MAD1L1: variants seen among roughly 807,000 people sequenced by gnomAD.
The protein encoded by MAD1L1 is mitotic arrest deficient 1 like 1, also known as mitotic spindle assembly checkpoint protein MAD1.
A neutral mutation model predicts 96.9 loss-of-function variants in MAD1L1; 95 were observed. That is an observed-to-expected ratio of 0.98 (90% CI 0.83 to 1.16). MAD1L1 has a LOEUF of 1.16. Among genes scored for constraint, MAD1L1 ranks in the 50% most tolerant of loss-of-function variants. The pLI, the probability that MAD1L1 is intolerant of heterozygous loss-of-function variation, is 0.00. For missense variants in MAD1L1, 1,007 were observed against 954.4 expected (o/e 1.06, Z -0.73); for synonymous variants, 473 against 396.6 (o/e 1.19, Z -2.29).
chr7:2,023,161 A>G (rs141857160), intron 12 of MAD1L1, among the ~76,000 whole-genome samples: 46 of 152,354 alleles, frequency 3.0e-4, no homozygotes, highest in Middle Eastern at 3.4e-3. Flanking sequence ...GACACAGCAG[A>G]ATTCAATAGC....
At chr7:2,221,428 C>G (rs1793601287) in intron 5 of MAD1L1, among the ~76,000 whole-genome samples, 2 of 152,288 alleles carry the variant, frequency 1.3e-5, no homozygotes, top group South Asian at 4.1e-4. Flanking sequence ...CACGCCTCCC[C>G]AGCACGGCCA....
chr7:2,039,722 C>T (rs1446323863), intron 12 of MAD1L1, among the ~76,000 whole-genome samples: 1 of 152,058 alleles, frequency 6.6e-6, no homozygotes, highest in African/African-American at 2.4e-5. Context: ...TTTTCTATTA[C>T]TGAGTTTTGA....
intron 11 of MAD1L1, among the ~76,000 whole-genome samples, chr7:2,108,211 GGCCCCACC>G (rs1787194931): frequency 6.6e-6 from 1 of 152,188 alleles, no homozygotes; most frequent in South Asian, 2.1e-4. Flanking sequence ...TCACTATTCA[GGCCCCACC>G]TCATTATCAT....
intron 10 of MAD1L1, 23 bp downstream of exon 10, chr7:2,213,189 C>T (rs759387481): frequency 8.7e-6 from 14 of 1,613,844 alleles, no homozygotes; most frequent in Admixed American, 5.0e-5. Context: ...GGCGGGACCC[C>T]GGAGACACCT....
At chr7:2,077,898 G>A (rs375039421) in intron 11 of MAD1L1, among the ~76,000 whole-genome samples, 2 of 152,222 alleles carry the variant, frequency 1.3e-5, no homozygotes, top group Admixed American at 6.5e-5. Context: ...GCCCGTCGGG[G>A]AGCCTCGCAG....
intron 18 of MAD1L1, among the ~76,000 whole-genome samples, chr7:1,832,031 A>G (rs1328438644): frequency 2.6e-5 from 4 of 152,198 alleles, no homozygotes; most frequent in African/African-American, 9.7e-5. Flanking sequence ...ATTATTTAAG[A>G]AATACATTTT....
chr7:1,968,107 G>A lies in MAD1L1; in HGVS notation c.1506-10388C>T, dbSNP rs747332430. Among the ~76,000 whole-genome samples the A allele has an allele frequency of 3.3e-5, 5 of 152,254 alleles. No homozygotes were observed. The East Asian group carries it at 7.7e-4, about 23-fold the overall frequency. On this transcript the variant is annotated intron_variant, in intron 15 of 18. Coordinates refer to ENST00000265854, the MANE Select transcript of MAD1L1 (RefSeq NM_001013836.2). The surrounding 1 kb of genome is among the most constrained non-coding windows in gnomAD (Gnocchi z 5.6). ...GAACTCATCCCTCCAGAGGGGGAGC[G>A]TCGCCTGTGCCCTGAGGGATTCGCT... is the stretch of plus-strand genomic sequence containing the variant.
chr7:1,961,788 T>A (rs1243529711), intron 15 of MAD1L1, among the ~76,000 whole-genome samples: 2 of 151,834 alleles, frequency 1.3e-5, no homozygotes, highest in Non-Finnish European at 2.9e-5. Flanking sequence ...GTTTCCCCCA[T>A]ACCATTCTCG....
intron 3 of MAD1L1, among the ~76,000 whole-genome samples, chr7:2,226,274 A>G (rs1793890700): frequency 6.6e-6 from 1 of 152,300 alleles, no homozygotes; most frequent in South Asian, 2.1e-4. Context: ...TCAGTATTGG[A>G]CTGAAACCTG....
Position 1,988,547 on chromosome 7 carries a change from G to A in MAD1L1, c.1417-8006C>T, listed in dbSNP as rs182083048. Among the ~76,000 whole-genome samples, 259 of 152,258 alleles carry A rather than the reference G, an allele frequency of 1.7e-3. 1 individual carries two copies. The highest frequency in any genetic ancestry group is 4.9e-3 in the Admixed American group (75 of 15,308). On this transcript the variant is annotated intron_variant, in intron 14 of 18. Coordinates refer to ENST00000265854, the MANE Select transcript of MAD1L1 (RefSeq NM_001013836.2). Reference sequence around the variant, plus strand: ...CAGAGCACTCAGTACCTAAAACTTCGTTTTCTGTGTTTACTCCCTCATGCC... The same window carrying A: ...CAGAGCACTCAGTACCTAAAACTTCATTTTCTGTGTTTACTCCCTCATGCC...
At chr7:1,913,397 G>A (rs1788144337) in intron 17 of MAD1L1, among the ~76,000 whole-genome samples, 1 of 152,192 alleles carries the variant, frequency 6.6e-6, no homozygotes, top group African/African-American at 2.4e-5. Flanking sequence ...AGGGCAGACG[G>A]GCTCTGCATG....
chr7:2,162,922 T>C (rs1790238633), intron 10 of MAD1L1, among the ~76,000 whole-genome samples: 1 of 152,070 alleles, frequency 6.6e-6, no homozygotes, highest in Non-Finnish European at 1.5e-5. Context: ...CGCTCATGAT[T>C]GTTAGCTTTG....
At chr7:2,100,002 G>A (rs1480347391) in intron 11 of MAD1L1, among the ~76,000 whole-genome samples, 1 of 152,218 alleles carries the variant, frequency 6.6e-6, no homozygotes, top group African/African-American at 2.4e-5. Context: ...CTCCTTACAG[G>A]TAGAGGTCAT....
At chr7:1,961,165 G>C (rs1372163525) in intron 15 of MAD1L1, among the ~76,000 whole-genome samples, 1 of 152,198 alleles carries the variant, frequency 6.6e-6, no homozygotes, top group Non-Finnish European at 1.5e-5. Flanking sequence ...TGGGTGTTGG[G>C]AACGCACTTC....
intron 4 of MAD1L1, among the ~76,000 whole-genome samples, chr7:2,224,926 G>GA (rs1793804799): frequency 6.6e-6 from 1 of 152,068 alleles, no homozygotes; most frequent in South Asian, 2.1e-4. Context: ...TCCACCCCAT[G>GA]ACCTCCTAAG....
At chr7:1,856,348 C>G (rs1206910902) in intron 18 of MAD1L1, among the ~76,000 whole-genome samples, 3 of 152,170 alleles carry the variant, frequency 2.0e-5, no homozygotes, top group Non-Finnish European at 2.9e-5. Flanking sequence ...TCAGCCTGTC[C>G]CAGGTGCTCG....
At chr7:2,053,897 G>A (rs776370661) in intron 12 of MAD1L1, among the ~76,000 whole-genome samples, 8 of 152,232 alleles carry the variant, frequency 5.3e-5, no homozygotes, top group Non-Finnish European at 1.2e-4. Context: ...CCCTCAACAC[G>A]GAGACCCGAG....
Position 1,851,986 on chromosome 7 carries a change from T to C in MAD1L1, c.1999-35758A>G, listed in dbSNP as rs1427446013. ...GCCCGGCACGGGTGGGCGGACAGTG[T>C]CAGCGGCAACGAGAGGGGCTGGGAA... is the stretch of plus-strand genomic sequence containing the variant. On this transcript the variant is annotated intron_variant, in intron 18 of 18. Coordinates refer to ENST00000265854, the MANE Select transcript of MAD1L1 (RefSeq NM_001013836.2). 2.0e-5 allele frequency among the ~76,000 whole-genome samples: 3 copies of C among 152,032 alleles called. No individual in the cohort carries two copies. The East Asian group carries it at 5.8e-4, about 29-fold the overall frequency.
chr7:2,085,509 T>C (rs1221445452), intron 11 of MAD1L1, among the ~76,000 whole-genome samples: 1 of 152,226 alleles, frequency 6.6e-6, no homozygotes, highest in African/African-American at 2.4e-5. Context: ...CACGGCAGTG[T>C]CTCAGGAATG....
Sources: gnomAD v4.1 joint callset for allele counts (sites outside exome capture counted in the v4.1 genomes callset) on GRCh38, gnomAD v4.1.1 for gene constraint, Gnocchi (gnomAD v3.1) non-coding constraint, MANE v1.5 for transcripts, NCBI Gene and HGNC (gene_info 2026-07-23, HGNC 2026-07-21) for gene names.